The following HIVEP2 variants were observed in gnomAD, a reference collection of about 807,000 sequenced individuals.
The protein encoded by HIVEP2 is HIVEP zinc finger 2, also known as transcription factor HIVEP2.
HIVEP2 carries 14 observed loss-of-function variants against 180.7 expected under a neutral mutation model. The ratio of observed to expected loss-of-function variants is 0.08; its 90% CI spans 0.05 to 0.12. HIVEP2 has a LOEUF of 0.12. Ranked by LOEUF, HIVEP2 falls within the 10% of genes least tolerant of loss-of-function variation. HIVEP2 has a pLI of 1.00. For missense variants in HIVEP2, 2,579 were observed against 3,008.5 expected, an observed-to-expected ratio of 0.86 and a Z score of 3.34; for synonymous variants, 1,184 against 1,136.4, an observed-to-expected ratio of 1.04 and a Z score of -0.84.
At chr6:142,882,655 A>G (rs953217315) in intron 1 of HIVEP2, among the ~76,000 whole-genome samples, 7 of 151,974 alleles carry the variant, frequency 4.6e-5, no homozygotes, top group Admixed American at 2.6e-4. Context: ...GGGAAAAGAA[A>G]GAAAGAATCA....
At chr6:142,838,193 CTA>C (rs1775274000) in intron 1 of HIVEP2, among the ~76,000 whole-genome samples, 1 of 152,066 alleles carries the variant, frequency 6.6e-6, no homozygotes, top group South Asian at 2.1e-4. Context: ...ATAGCAGTAA[CTA>C]TACATACTAA....
At chr6:142,880,989 AT>A (rs923415219) in intron 1 of HIVEP2, among the ~76,000 whole-genome samples, 1 of 152,156 alleles carries the variant, frequency 6.6e-6, no homozygotes, top group East Asian at 1.9e-4. Context: ...ATGAAATGTC[AT>A]TTTTTTTCCC....
intron 2 of HIVEP2, among the ~76,000 whole-genome samples, chr6:142,818,733 A>AAAGAAAG (rs1462347393): frequency 1.1e-3 from 46 of 41,782 alleles, no homozygotes; most frequent in Admixed American, 2.1e-3. Context: ...AGAAAGAAAG[A>AAAGAAAG]AAAGAAAGAA....
At chr6:142,856,013 TG>T (rs1562266115) in intron 1 of HIVEP2, among the ~76,000 whole-genome samples, 1 of 152,216 alleles carries the variant, frequency 6.6e-6, no homozygotes, top group East Asian at 1.9e-4. Flanking sequence ...TGATAAATTA[TG>T]CTTGTTTGCT....
At chr6:142,930,240 T>G (rs1035893903) in intron 1 of HIVEP2, among the ~76,000 whole-genome samples, 5 of 152,164 alleles carry the variant, frequency 3.3e-5, no homozygotes, top group Non-Finnish European at 5.9e-5. Flanking sequence ...AACAGATATA[T>G]ATAGGAATGA....
At chr6:142,849,114 C>T (rs1200048424) in intron 1 of HIVEP2, among the ~76,000 whole-genome samples, 7 of 152,194 alleles carry the variant, frequency 4.6e-5, no homozygotes, top group Non-Finnish European at 8.8e-5. Flanking sequence ...CTATCACACA[C>T]CAGGCACTGG....
chr6:142,797,174 T>C (rs1776299202), intron 2 of HIVEP2, among the ~76,000 whole-genome samples: 1 of 152,152 alleles, frequency 6.6e-6, no homozygotes, highest in African/African-American at 2.4e-5. Context: ...CTAGATTTTT[T>C]GATATTTCTG....
intron 2 of HIVEP2, among the ~76,000 whole-genome samples, chr6:142,813,573 GTT>G (rs1197621182): frequency 7.6e-5 from 10 of 131,266 alleles, no homozygotes; most frequent in East Asian, 2.2e-4. Flanking sequence ...TCAGTTCAGA[GTT>G]TTTTTTTTTT....
chr6:142,823,357 T>C (rs1321896070), intron 2 of HIVEP2, among the ~76,000 whole-genome samples: 1 of 152,214 alleles, frequency 6.6e-6, no homozygotes, highest in African/African-American at 2.4e-5. Flanking sequence ...GACAACGGTT[T>C]AAGCCCCGAG....
intron 1 of HIVEP2, among the ~76,000 whole-genome samples, chr6:142,931,425 A>G (rs1377630054): frequency 6.6e-6 from 1 of 152,116 alleles, no homozygotes; most frequent in Non-Finnish European, 1.5e-5. Flanking sequence ...CTAAAATGAC[A>G]ATCATTTGAG....
intron 2 of HIVEP2, among the ~76,000 whole-genome samples, chr6:142,810,311 T>C (rs1776660077): frequency 6.6e-6 from 1 of 152,206 alleles, no homozygotes; most frequent in Non-Finnish European, 1.5e-5. Context: ...TAGTGTATTT[T>C]TACAAAATCA....
intron 7 of HIVEP2, among the ~76,000 whole-genome samples, chr6:142,763,868 G>C (rs1410093959): frequency 6.6e-6 from 1 of 152,182 alleles, no homozygotes; most frequent in East Asian, 1.9e-4. Flanking sequence ...GATATGTTGA[G>C]AGGCTACCCA....
At chr6:142,824,672 T>A (rs541269904) in intron 2 of HIVEP2, among the ~76,000 whole-genome samples, 8 of 152,284 alleles carry the variant, frequency 5.3e-5, no homozygotes, top group African/African-American at 1.7e-4. Context: ...GCCTAATACC[T>A]CGTAGCCGTG....
intron 1 of HIVEP2, among the ~76,000 whole-genome samples, chr6:142,904,328 T>G (rs1045300715): frequency 2.6e-5 from 4 of 152,204 alleles, no homozygotes; most frequent in African/African-American, 4.8e-5. Context: ...AATTAGTAAT[T>G]AACATTTTGA....
At chr6:142,940,566 G>A (rs1457012978) in intron 1 of HIVEP2, among the ~76,000 whole-genome samples, 1 of 152,148 alleles carries the variant, frequency 6.6e-6, no homozygotes, top group Non-Finnish European at 1.5e-5. Context: ...AATCATTCCT[G>A]TGGTCAACCT....
chr6:142,770,932 A>G lies in HIVEP2; in HGVS notation c.3807T>C (p.Ala1269=), dbSNP rs199624029. 211 of 1,614,196 alleles carry G rather than the reference A, an allele frequency of 1.3e-4. 1 individual carries two copies. The African/African-American group carries it at 2.6e-3, about 20-fold the overall frequency. The stretch of plus-strand genomic sequence containing the variant: ...TCTGCTCTTTCGTGTGTGCATACTC[A>G]GCAGGTTTCTTTCCAGTGTGCTCTG... The part of the protein sequence containing the change: ...HVAEHTGKKP[A]EYAHTKEQTY... The change falls in exon 5 of 10, where the codon GCT becomes GCC. Residue 1269 remains alanine, a synonymous_variant. Transcript: ENST00000367603. The surrounding 1 kb of genome is among the most constrained non-coding windows in gnomAD (Gnocchi z 4.7).
intron 2 of HIVEP2, among the ~76,000 whole-genome samples, chr6:142,831,134 G>A (rs1342748297): frequency 6.6e-6 from 1 of 152,296 alleles, no homozygotes; most frequent in South Asian, 2.1e-4. Context: ...GAAGGGTCGA[G>A]GGTCCTAAGA....
intron 1 of HIVEP2, among the ~76,000 whole-genome samples, chr6:142,934,324 A>G (rs1778004636): frequency 6.6e-6 from 1 of 152,234 alleles, no homozygotes; most frequent in Admixed American, 6.5e-5. Flanking sequence ...GAAATATAAC[A>G]GAGGTACAGC....
intron 1 of HIVEP2, among the ~76,000 whole-genome samples, chr6:142,867,471 A>T (rs575958391): frequency 6.6e-6 from 1 of 152,314 alleles, no homozygotes; most frequent in Non-Finnish European, 1.5e-5. Context: ...TTATCGTTAC[A>T]GATTGATTGC....
Sources: allele counts gnomAD v4.1 joint callset (sites outside exome capture counted in the v4.1 genomes callset), GRCh38; gene constraint gnomAD v4.1.1; non-coding constraint Gnocchi (gnomAD v3.1); transcripts MANE v1.5; gene names NCBI Gene and HGNC (gene_info 2026-07-23, HGNC 2026-07-21).